The following OR10H1 variants were observed in gnomAD, a reference collection of about 807,000 sequenced individuals.
OR10H1 encodes the protein olfactory receptor family 10 subfamily H member 1, also known as olfactory receptor 10H1.
OR10H1 carries 12 observed loss-of-function variants against 13.1 expected under a neutral mutation model. The ratio of observed to expected loss-of-function variants is 0.92; its 90% CI spans 0.59 to 1.48. The LOEUF is 1.48. Among genes scored for constraint, OR10H1 ranks in the 40% most tolerant of loss-of-function variants. OR10H1 has a pLI of 0.00. For missense variants in OR10H1, 363 were observed against 413.1 expected, an observed-to-expected ratio of 0.88 and a Z score of 1.05; for synonymous variants, 168 against 175.6, an observed-to-expected ratio of 0.96 and a Z score of 0.34.
At chr19:15,812,996 T>C (rs1237018015) in intron 1 of OR10H1, 118 bp from the exon 2 acceptor site, 1 of 152,210 alleles carries the variant, frequency 6.6e-6, no homozygotes, top group Non-Finnish European at 1.5e-5. Context: ...TGTAACTATG[T>C]TGTGTGATAC....
At chr19:15,815,469 TAAA>T (rs1568455425) in intron 1 of OR10H1, 83 bp downstream of exon 1, 1 of 152,264 alleles carries the variant, frequency 6.6e-6, no homozygotes, top group African/African-American at 2.4e-5. Context: ...AGGAGTAATA[TAAA>T]CAGGTGGTTT....
intron 1 of OR10H1, among the ~76,000 whole-genome samples, chr19:15,815,266 G>A (rs759077253): frequency 1.3e-5 from 2 of 151,858 alleles, no homozygotes; most frequent in Non-Finnish European, 2.9e-5. Flanking sequence ...GCTTGAACCT[G>A]GCAGGCGGAG....
rs1472204835 is a variant in OR10H1, at chr19:15,807,418, G to T, written c.620C>A (p.Ala207Asp). The T allele has an allele frequency of 6.2e-7, 1 of 1,614,192 alleles. No individual in the cohort carries two copies. Among genetic ancestry groups the T allele is most frequent in the Non-Finnish European group, 8.5e-7 (1 of 1,180,052 alleles). Residue 207 changes from alanine to aspartate, a missense_variant, in exon 4 of 4, where the codon GCC becomes GAC. Physicochemically the swap from Ala to Asp is moderately radical, Grantham distance 126. Coordinates refer to ENST00000641419, the MANE Select transcript of OR10H1 (RefSeq NM_013940.4). ...GATGAGGAGAAAACAGCCCAGCAGG[G>T]CCGTGATACACACCAAGCCCACGCC... is the stretch of plus-strand genomic sequence containing the variant. ...AKGVGLVCITALLGCFLLILL... is the reference protein window; with the variant it reads ...AKGVGLVCITDLLGCFLLILL...
At position 15,804,749 on chromosome 19, in the gene OR10H1, G is replaced by T. The variant is rs1010455346; in HGVS notation, c.*2332C>A. On this transcript the variant is annotated 3_prime_UTR_variant, in exon 4 of 4. Coordinates refer to ENST00000641419, the MANE Select transcript of OR10H1 (RefSeq NM_013940.4). Reference sequence around the variant, plus strand: ...TTGGGTATATACCCAGTAATGGGATGGCTGGGTCAAATGATATTTCTAGTT... The same window carrying T: ...TTGGGTATATACCCAGTAATGGGATTGCTGGGTCAAATGATATTTCTAGTT... The T allele has an allele frequency of 3.9e-5, 6 of 152,174 alleles. No individual in the cohort carries two copies. The highest frequency in any genetic ancestry group is 1.2e-4 in the African/African-American group (5 of 41,444). 9.4% of individuals were successfully genotyped at this position (152,174 alleles called of 1,614,324 possible).
rs539771939 is a variant in OR10H1 at position 15,804,883 on chromosome 19, G to A, written c.*2198C>T. ...TTTCTCCACATCCTCTCCAGCACCTGTTGTTTCCTGACTTTTTAGTGATTG... is the reference window on the plus strand; with the variant it reads ...TTTCTCCACATCCTCTCCAGCACCTATTGTTTCCTGACTTTTTAGTGATTG... On this transcript the variant is annotated 3_prime_UTR_variant, in exon 4 of 4. Transcript: ENST00000641419. The A allele has an allele frequency of 6.6e-6, 1 of 152,286 alleles. No homozygotes were observed. The highest frequency in any genetic ancestry group is 1.5e-5 in the Non-Finnish European group (1 of 68,018). 9.4% of individuals were successfully genotyped at this position (152,286 alleles called of 1,614,324 possible).
chr19:15,809,631 GTACCTCCC>G (rs913000585), intron 2 of OR10H1, among the ~76,000 whole-genome samples: 1 of 152,034 alleles, frequency 6.6e-6, no homozygotes, highest in African/African-American at 2.4e-5. Context: ...TTATCTCTCT[GTACCTCCC>G]TACCTCAAAG....
chr19:15,807,519 C>T lies in OR10H1; in HGVS notation c.519G>A (p.Glu173=). ...IFHLAFCGHK[E]IHHFACHVPP... ...GCACATGGCAAGCAAAATGGTGGAT[C>T]TCCTTGTGTCCACAGAAGGCGAGGT... Residue 173 remains glutamate, a synonymous_variant, in exon 4 of 4, where the codon GAG becomes GAA. Transcript: ENST00000641419. 6.2e-7 allele frequency: 1 copy of T among 1,614,246 alleles called. No homozygotes were observed. The highest frequency in any genetic ancestry group is 8.5e-7 in the Non-Finnish European group (1 of 1,180,052).
intron 2 of OR10H1, among the ~76,000 whole-genome samples, chr19:15,810,156 A>G (rs756705819): frequency 2.3e-4 from 35 of 151,592 alleles, no homozygotes; most frequent in Non-Finnish European, 4.6e-4. Context: ...TTAGCCAGGC[A>G]TGGTGGCACA....
chr19:15,809,845 C>T (rs759826721), intron 2 of OR10H1, among the ~76,000 whole-genome samples: 5 of 151,456 alleles, frequency 3.3e-5, no homozygotes, highest in South Asian at 4.2e-4. Flanking sequence ...CAGGGTCTGG[C>T]TCTGTCACCC....
chr19:15,814,399 C>T (rs2088951575), intron 1 of OR10H1, among the ~76,000 whole-genome samples: 1 of 151,408 alleles, frequency 6.6e-6, no homozygotes, highest in Admixed American at 6.6e-5. Flanking sequence ...TTCTCATCCC[C>T]AGCTCCTAAC....
chr19:15,813,645 G>A (rs1162487047), intron 1 of OR10H1, among the ~76,000 whole-genome samples: 1 of 149,498 alleles, frequency 6.7e-6, no homozygotes, highest in Non-Finnish European at 1.5e-5. Flanking sequence ...GAGGGAGAGA[G>A]AGAAGTGGGG....
In OR10H1 at chr19:15,806,900, T is replaced by C. The variant is rs911710206; in HGVS notation, c.*181A>G. The C allele has an allele frequency of 3.4e-6, 2 of 595,024 alleles. No homozygotes were observed. Among genetic ancestry groups the C allele is most frequent in the Admixed American group, 6.0e-5 (2 of 33,166 alleles). 36.9% of individuals were successfully genotyped at this position (595,024 alleles called of 1,614,324 possible). A position where few individuals can be genotyped will look rare whatever the true frequency, so the allele number is the denominator to read the frequency against. On this transcript the variant is annotated 3_prime_UTR_variant, in exon 4 of 4. Transcript: ENST00000641419. Reference sequence around the variant, plus strand: ...TGCCAACATGCCTGGCTAATTTTTGTATTTTTAGTAGAGATGGGGTTTCGC... The same window carrying C: ...TGCCAACATGCCTGGCTAATTTTTGCATTTTTAGTAGAGATGGGGTTTCGC...
intron 1 of OR10H1, among the ~76,000 whole-genome samples, chr19:15,814,468 TGTGTGTGTGTGTGA>T (rs1484272560): frequency 8.0e-4 from 85 of 106,378 alleles, no homozygotes; most frequent in Non-Finnish European, 1.4e-3. Context: ...TGTGTGTGTG[TGTGTGTGTGTGTGA>T]GAGAGAGAGA....
rs2088886102 is a variant in OR10H1, at chr19:15,804,753, G to A, written c.*2328C>T. ...GTATATACCCAGTAATGGGATGGCT[G>A]GGTCAAATGATATTTCTAGTTCTAG... On this transcript the variant is annotated 3_prime_UTR_variant, in exon 4 of 4. Transcript: ENST00000641419. The A allele has an allele frequency of 6.6e-6, 1 of 152,156 alleles. No homozygotes were observed. The highest frequency in any genetic ancestry group is 2.4e-5 in the African/African-American group (1 of 41,436). 9.4% of individuals were successfully genotyped at this position (152,156 alleles called of 1,614,324 possible). A position where few individuals can be genotyped will look rare whatever the true frequency, so the allele number is the denominator to read the frequency against.
chr19:15,808,183 A>C, intron 3 of OR10H1, 135 bp from the exon 4 acceptor site: 1 of 694,660 alleles, frequency 1.4e-6, no homozygotes, highest in Non-Finnish European at 2.5e-6. Flanking sequence ...ACCTCCTATA[A>C]TTTAATACTC....
intron 1 of OR10H1, among the ~76,000 whole-genome samples, chr19:15,813,536 GAGAA>G (rs1241898479): frequency 4.0e-5 from 6 of 151,134 alleles, no homozygotes; most frequent in African/African-American, 9.7e-5. Flanking sequence ...GAGGTGGGGA[GAGAA>G]AGAAAGAGAG....
At position 15,805,602 on chromosome 19, in the gene OR10H1, C is replaced by G. The variant is rs2144938344; in HGVS notation, c.*1479G>C. 1 of 152,146 alleles carries G rather than the reference C, an allele frequency of 6.6e-6. No individual in the cohort carries two copies. Among genetic ancestry groups the G allele is most frequent in the South Asian group, 2.1e-4 (1 of 4,812 alleles). 9.4% of individuals were successfully genotyped at this position (152,146 alleles called of 1,614,324 possible). ...AGCTGGGATTACAGGCACCTGCCAC[C>G]ACGCCTGGCTAATTTTTATATTTTT... On this transcript the variant is annotated 3_prime_UTR_variant, in exon 4 of 4. Coordinates refer to ENST00000641419, the MANE Select transcript of OR10H1 (RefSeq NM_013940.4).
chr19:15,814,680 T>C (rs935297794), intron 1 of OR10H1, among the ~76,000 whole-genome samples: 1 of 152,042 alleles, frequency 6.6e-6, no homozygotes, highest in Non-Finnish European at 1.5e-5. Context: ...ATTTTTGTAT[T>C]TTTTTGTACA....
At chr19:15,815,327 C>T (rs148755714) in intron 1 of OR10H1, among the ~76,000 whole-genome samples, 1 of 136,458 alleles carries the variant, frequency 7.3e-6, no homozygotes, top group African/African-American at 2.8e-5. Flanking sequence ...GGCTACAGAG[C>T]GAGATTCCGT....
Sources: allele counts gnomAD v4.1 joint callset (sites outside exome capture counted in the v4.1 genomes callset), GRCh38; gene constraint gnomAD v4.1.1; transcripts MANE v1.5; gene names NCBI Gene and HGNC (gene_info 2026-07-23, HGNC 2026-07-21).